Variants in ERICH6B observed in about 807,000 individuals in gnomAD.
ERICH6B encodes glutamate-rich protein 6B.
ERICH6B carries 69 observed loss-of-function variants against 80.0 expected under a neutral mutation model. That is an observed-to-expected ratio of 0.86 (90% CI 0.71 to 1.05). ERICH6B has a LOEUF of 1.05. ERICH6B is among the 50% of genes least tolerant of loss of function. The pLI is 0.00. For missense variants in ERICH6B, 754 were observed against 796.1 expected, an observed-to-expected ratio of 0.95 and a Z score of 0.64; for synonymous variants, 283 against 291.9, an observed-to-expected ratio of 0.97 and a Z score of 0.31.
intron 9 of ERICH6B, among the ~76,000 whole-genome samples, chr13:45,564,957 G>C (rs1874852632): frequency 6.6e-6 from 1 of 152,158 alleles, no homozygotes; most frequent in South Asian, 2.1e-4. Flanking sequence ...TTCAATACCA[G>C]AGACTGGGGT....
rs536978854 is a variant in ERICH6B at position 45,584,639 on chromosome 13, C to G, written c.856+2424G>C. Among the ~76,000 whole-genome samples, 10 of 152,284 alleles carry G rather than the reference C, an allele frequency of 6.6e-5. No homozygotes were observed. The South Asian group carries it at 1.9e-3, about 28-fold the overall frequency. On this transcript the variant is annotated intron_variant, in intron 5 of 14. Coordinates refer to ENST00000298738, the MANE Select transcript of ERICH6B (RefSeq NM_182542.3). Reference sequence around the variant, plus strand: ...AGGGGTTCTGATAAGCGTTGAAAAGCTACATTTTCACGACTGCTTGGTGAC... The same window carrying G: ...AGGGGTTCTGATAAGCGTTGAAAAGGTACATTTTCACGACTGCTTGGTGAC...
chr13:45,573,429 T>A (rs1875257482), intron 8 of ERICH6B, among the ~76,000 whole-genome samples: 1 of 152,224 alleles, frequency 6.6e-6, no homozygotes, highest in Admixed American at 6.5e-5. Flanking sequence ...AGTTATTTCA[T>A]TAAGGAACTG....
chr13:45,553,163 C>A, intron 11 of ERICH6B: 1 of 268,292 alleles, frequency 3.7e-6, no homozygotes, highest in East Asian at 1.2e-4. Context: ...TATTAGTCAC[C>A]GTTTTTGACA....
chr13:45,552,154 T>C (rs1308603115), intron 11 of ERICH6B, among the ~76,000 whole-genome samples: 1 of 152,258 alleles, frequency 6.6e-6, no homozygotes, highest in African/African-American at 2.4e-5. Context: ...TTATTACTAT[T>C]CTTGATTAAA....
intron 13 of ERICH6B, among the ~76,000 whole-genome samples, chr13:45,548,423 T>A (rs1874072099): frequency 6.6e-6 from 1 of 152,176 alleles, no homozygotes; most frequent in Admixed American, 6.5e-5. Context: ...TGCTGATGAA[T>A]TCCCTCGGGG....
intron 5 of ERICH6B, among the ~76,000 whole-genome samples, chr13:45,585,891 T>A (rs528480748): frequency 1.3e-5 from 2 of 152,330 alleles, no homozygotes; most frequent in South Asian, 2.1e-4. Context: ...CGGGGCTGGG[T>A]CCACAGTGGT....
Position 45,584,393 on chromosome 13 carries a change from T to C in ERICH6B, c.856+2670A>G, listed in dbSNP as rs527620248. 7.2e-5 allele frequency among the ~76,000 whole-genome samples: 11 copies of C among 152,324 alleles called. 1 individual carries two copies. The South Asian group carries it at 1.9e-3, about 26-fold the overall frequency. ...ATTTACCTGGGTATTTTTTCCTCCA[T>C]ATTTGGCCAAAGTCCTATTTGTCGA... On this transcript the variant is annotated intron_variant, in intron 5 of 14. Transcript: ENST00000298738.
chr13:45,574,416 C>T (rs1875294190), intron 8 of ERICH6B, among the ~76,000 whole-genome samples: 2 of 152,314 alleles, frequency 1.3e-5, no homozygotes, highest in South Asian at 4.1e-4. Context: ...GATGACTCCC[C>T]ATCTCATCTC....
At chr13:45,553,105 A>T in intron 11 of ERICH6B, 1 of 356,818 alleles carries the variant, frequency 2.8e-6, no homozygotes, top group Non-Finnish European at 5.6e-6. Context: ...AAACTGTTTT[A>T]TCTGATCAGA....
rs1876381828 is a variant in ERICH6B, at chr13:45,596,534, G to GATAATCTACCTCCTCAAT, written c.454_471dup (p.Ile152_Tyr157dup). 6.4e-7 allele frequency: 1 copy of GATAATCTACCTCCTCAAT among 1,551,754 alleles called. No homozygotes were observed. The highest frequency in any genetic ancestry group is 1.4e-5 in the African/African-American group (1 of 72,948). ...TCCTCCAGATACGCTTTCTTCCCCAGATAATCTACCTCCTCAATATAATCT... is the reference window on the plus strand; with the variant it reads ...TCCTCCAGATACGCTTTCTTCCCCAGATAATCTACCTCCTCAATATAATCTACCTCCTCAATATAATCT... On this transcript the variant is annotated inframe_insertion, in exon 3 of 15. Coordinates refer to ENST00000298738, the MANE Select transcript of ERICH6B (RefSeq NM_182542.3).
rs1472885249 is a variant in ERICH6B at position 45,580,608 on chromosome 13, G to A, written c.914C>T (p.Pro305Leu). ...AAAATCATCATAAACTTTACCTTCC[G>A]GAGCCAGCTTCGTGGTGGTTTCTTG... ...TEQETTTKLA[P>L]EEHVNTKVQQ... Residue 305 changes from proline (P) to leucine (L), a missense_variant, in exon 6 of 15, where the codon CCG becomes CTG. Transcript: ENST00000298738. The A allele has an allele frequency of 2.5e-5, 39 of 1,551,470 alleles. No homozygotes were observed. The highest frequency in any genetic ancestry group is 1.7e-4 in the East Asian group (7 of 40,936).
chr13:45,564,435 A>G (rs1410064670), intron 9 of ERICH6B, among the ~76,000 whole-genome samples: 1 of 152,244 alleles, frequency 6.6e-6, no homozygotes. Flanking sequence ...AATGTGCCAG[A>G]AAGAGTAAGC....
chr13:45,561,311 C>T, intron 11 of ERICH6B, 58 bp downstream of exon 11: 1 of 1,524,922 alleles, frequency 6.6e-7, no homozygotes, highest in Non-Finnish European at 8.8e-7. Flanking sequence ...GCACACCTCA[C>T]CAGAGCCAAA....
At chr13:45,562,554 C>T (rs375271209) in intron 10 of ERICH6B, among the ~76,000 whole-genome samples, 13 of 152,126 alleles carry the variant, frequency 8.5e-5, no homozygotes, top group East Asian at 3.9e-4. Context: ...TATCAGCCAA[C>T]ATGCTCTTGG....
chr13:45,587,039 C>G (rs1450726181), intron 5 of ERICH6B, 24 bp downstream of exon 5: 1 of 1,546,796 alleles, frequency 6.5e-7, no homozygotes, highest in African/African-American at 1.4e-5. Context: ...CTGCGCCTCA[C>G]CGACAGAGCG....
intron 4 of ERICH6B, among the ~76,000 whole-genome samples, chr13:45,589,278 C>A (rs920797853): frequency 6.6e-6 from 1 of 152,148 alleles, no homozygotes; most frequent in African/African-American, 2.4e-5. Context: ...CCTCTCTGAT[C>A]CTCACAGCTC....
At chr13:45,574,201 AG>A (rs1246576392) in intron 8 of ERICH6B, among the ~76,000 whole-genome samples, 1 of 152,238 alleles carries the variant, frequency 6.6e-6, no homozygotes. Context: ...AAGTCTTCTT[AG>A]CAATCGAGAA....
chr13:45,579,675 G>A (rs1036642688), intron 7 of ERICH6B, among the ~76,000 whole-genome samples: 2 of 152,150 alleles, frequency 1.3e-5, no homozygotes, highest in Admixed American at 6.5e-5. Flanking sequence ...GCTCTTAAAT[G>A]TGGGAGTCCC....
Position 45,587,205 on chromosome 13 carries a change from C to T in ERICH6B, c.714G>A (p.Val238=). Residue 238 remains valine, a synonymous_variant, in exon 5 of 15, where the codon GTG becomes GTA. Transcript: ENST00000298738. ...TCAACGGGACAGTCAAGAAGGTGGT[C>T]ACCTGAGAGGGGCCAGCGTCTGGAC... ...ARSPDAGPSQ[V]TTFLTVPLTF... 1 of 1,551,646 alleles carries T rather than the reference C, an allele frequency of 6.4e-7. No homozygotes were observed. Among genetic ancestry groups the T allele is most frequent in the Non-Finnish European group, 8.7e-7 (1 of 1,146,988 alleles).
Sources: allele counts gnomAD v4.1 joint callset (sites outside exome capture counted in the v4.1 genomes callset), GRCh38; gene constraint gnomAD v4.1.1; transcripts MANE v1.5; gene names NCBI Gene and HGNC (gene_info 2026-07-23, HGNC 2026-07-21).